Variants in COL14A1 observed in about 807,000 individuals in gnomAD.
COL14A1 encodes collagen alpha-1(XIV) chain.
In COL14A1, 136 loss-of-function variants were observed where a neutral mutation model predicts 230.3. The observed-to-expected ratio is 0.59, with a 90% CI of 0.51 to 0.68. The LOEUF (loss-of-function observed/expected upper bound fraction) is 0.68, where lower values mean the gene tolerates loss of function less well. COL14A1 is among the 30% of genes least tolerant of loss of function. The pLI is 0.00. For synonymous variants in COL14A1, 792 were observed against 784.1 expected (o/e 1.01, Z -0.17); for missense variants, 1,976 against 2,215.8 (o/e 0.89, Z 2.17).
At chr8:120,217,869 C>G (rs1375492383) in intron 14 of COL14A1, among the ~76,000 whole-genome samples, 1 of 150,424 alleles carries the variant, frequency 6.6e-6, no homozygotes, top group African/African-American at 2.4e-5. Flanking sequence ...GTGAAGCATG[C>G]CATTAAATCT....
intron 37 of COL14A1, among the ~76,000 whole-genome samples, chr8:120,312,682 T>A (rs550423260): frequency 2.0e-5 from 3 of 152,358 alleles, no homozygotes; most frequent in South Asian, 4.1e-4. Context: ...CATCCCAGCA[T>A]AGACCTTGCC....
chr8:120,230,741 G>T (rs1458283489), intron 18 of COL14A1, among the ~76,000 whole-genome samples: 4 of 152,046 alleles, frequency 2.6e-5, no homozygotes, highest in Admixed American at 6.6e-5. Context: ...CACAGAAAAA[G>T]TTCAATGAAT....
chr8:120,298,597 T>TTATATATATATA lies in COL14A1; in HGVS notation c.4314+1040_4314+1051dup, dbSNP rs59846403. On this transcript the variant is annotated intron_variant, in intron 35 of 47. Coordinates refer to ENST00000297848, the MANE Select transcript of COL14A1 (RefSeq NM_021110.4). Reference sequence around the variant, plus strand: ...TGGGATGTGTGTATACCCATATATTTTATATATATATATATATATATATAT... The same window carrying TTATATATATATA: ...TGGGATGTGTGTATACCCATATATTTTATATATATATATATATATATATATATATATATATAT... 1.6e-3 allele frequency among the ~76,000 whole-genome samples: 94 copies of TTATATATATATA among 57,956 alleles called. 2 individuals are homozygous for TTATATATATATA. Among genetic ancestry groups the TTATATATATATA allele is most frequent in the East Asian group, 6.3e-3 (6 of 948 alleles). The allele number at this position is 57,956 out of a possible 152,430, so 38.0% of individuals were successfully genotyped here.
In COL14A1 at chr8:120,162,504, A is replaced by G. The variant is rs1288163991; in HGVS notation, c.284A>G (p.Tyr95Cys). The G allele has an allele frequency of 6.2e-7, 1 of 1,613,186 alleles. No homozygotes were observed. The highest frequency in any genetic ancestry group is 1.7e-5 in the Admixed American group (1 of 59,908). ...CAAGGCCTTATGCCAGACCAGAATTACACAGTTCAAATTATTGCATACAAT... is the reference window on the plus strand; with the variant it reads ...CAAGGCCTTATGCCAGACCAGAATTGCACAGTTCAAATTATTGCATACAAT... ...IIQGLMPDQN[Y>C]TVQIIAYNKD... is the part of the protein sequence containing the mutation. The change falls in exon 4 of 48, where the codon TAC becomes TGC. Residue 95 changes from tyrosine (Y) to cysteine (C), a missense_variant. This residue lies in a region of COL14A1 where 181 missense variants were observed against 178.6 expected (regional missense o/e 1.01). Transcript: ENST00000297848.
intron 45 of COL14A1, among the ~76,000 whole-genome samples, chr8:120,356,673 T>G (rs943630660): frequency 6.6e-6 from 1 of 151,728 alleles, no homozygotes; most frequent in Non-Finnish European, 1.5e-5. Context: ...TATCCTGTAC[T>G]CCAGCCAGGA....
intron 12 of COL14A1, among the ~76,000 whole-genome samples, chr8:120,211,966 T>C (rs954541584): frequency 2.6e-5 from 4 of 152,230 alleles, no homozygotes; most frequent in African/African-American, 9.6e-5. Flanking sequence ...ATTCTCTTGT[T>C]GAATGGGGAC....
chr8:120,369,276 A>T, intron 46 of COL14A1, 54 bp from the exon 47 acceptor site: 1 of 1,450,656 alleles, frequency 6.9e-7, no homozygotes, highest in Non-Finnish European at 9.1e-7. Flanking sequence ...TTGTCTCAAA[A>T]CTCACCCTGT....
chr8:120,220,980 A>T (rs1310741624), intron 14 of COL14A1, among the ~76,000 whole-genome samples: 1 of 152,196 alleles, frequency 6.6e-6, no homozygotes, highest in Admixed American at 6.5e-5. Context: ...ATCTCATGTA[A>T]TCCTTACAGA....
intron 36 of COL14A1, among the ~76,000 whole-genome samples, chr8:120,301,873 C>A (rs1820724739): frequency 6.6e-6 from 1 of 151,998 alleles, no homozygotes; most frequent in Non-Finnish European, 1.5e-5. Context: ...TCAGTTATTT[C>A]TTTATGTTTT....
chr8:120,265,347 T>A (rs985807690), intron 24 of COL14A1, among the ~76,000 whole-genome samples: 2 of 152,106 alleles, frequency 1.3e-5, no homozygotes, highest in African/African-American at 4.8e-5. Flanking sequence ...TTTTAAAATT[T>A]AAAAAATGGC....
At chr8:120,190,038 T>C (rs1816769243) in intron 5 of COL14A1, among the ~76,000 whole-genome samples, 1 of 150,796 alleles carries the variant, frequency 6.6e-6, no homozygotes, top group African/African-American at 2.4e-5. Context: ...TTTCTAGTTC[T>C]AGATCCCTGA....
intron 33 of COL14A1, among the ~76,000 whole-genome samples, chr8:120,286,177 C>A (rs1586832526): frequency 6.7e-6 from 1 of 149,286 alleles, no homozygotes; most frequent in Non-Finnish European, 1.5e-5. Context: ...TTTTTTTTGG[C>A]AGGCACTCCC....
chr8:120,230,501 G>C lies in COL14A1; in HGVS notation c.2198-966G>C, dbSNP rs141555673. ...AGCATCCAAGATCCTTCCTAGTTGGGTCCTGCTTCCCTTCCTGGCCTCAAC... is the reference window on the plus strand; with the variant it reads ...AGCATCCAAGATCCTTCCTAGTTGGCTCCTGCTTCCCTTCCTGGCCTCAAC... On this transcript the variant is annotated intron_variant, in intron 18 of 47. Transcript: ENST00000297848. Among the ~76,000 whole-genome samples the C allele has an allele frequency of 4.2e-3, 631 of 151,586 alleles. 4 individuals are homozygous for C. The highest frequency in any genetic ancestry group is 0.01 in the Middle Eastern group (3 of 294).
At chr8:120,262,396 C>T (rs552188703) in intron 23 of COL14A1, among the ~76,000 whole-genome samples, 2 of 152,074 alleles carry the variant, frequency 1.3e-5, no homozygotes, top group South Asian at 4.2e-4. Context: ...TTGCTTGAAC[C>T]CGGGAGTAGA....
chr8:120,356,754 A>G (rs186794086), intron 45 of COL14A1, among the ~76,000 whole-genome samples: 13 of 152,084 alleles, frequency 8.5e-5, no homozygotes, highest in Admixed American at 3.9e-4. Flanking sequence ...GCTGAAATAC[A>G]TGTTGCCTTC....
intron 1 of COL14A1, among the ~76,000 whole-genome samples, chr8:120,131,472 C>A (rs1360011086): frequency 1.3e-5 from 2 of 151,788 alleles, no homozygotes; most frequent in African/African-American, 4.8e-5. Flanking sequence ...CAATGTGGAG[C>A]ATTTTTTCAT....
chr8:120,309,667 A>G (rs1011347057), intron 36 of COL14A1, among the ~76,000 whole-genome samples: 7 of 152,192 alleles, frequency 4.6e-5, no homozygotes, highest in Non-Finnish European at 8.8e-5. Flanking sequence ...TATATGTTAT[A>G]TATGTATGTT....
intron 45 of COL14A1, among the ~76,000 whole-genome samples, chr8:120,346,110 G>C (rs1010817011): frequency 1.3e-5 from 2 of 152,218 alleles, no homozygotes; most frequent in Non-Finnish European, 2.9e-5. Flanking sequence ...TTAAAATACT[G>C]TCTGCGGCTC....
intron 23 of COL14A1, among the ~76,000 whole-genome samples, chr8:120,256,128 G>A (rs1239975132): frequency 6.6e-6 from 1 of 152,070 alleles, no homozygotes; most frequent in Non-Finnish European, 1.5e-5. Flanking sequence ...ATTATTTTAT[G>A]GGATTATAGG....
Sources: gnomAD v4.1 joint callset for allele counts (sites outside exome capture counted in the v4.1 genomes callset) on GRCh38, gnomAD v4.1.1 for gene constraint, gnomAD v4.1.1 regional missense constraint, MANE v1.5 for transcripts, NCBI Gene and HGNC (gene_info 2026-07-23, HGNC 2026-07-21) for gene names.